The following OR56A3 variants were observed in gnomAD, a reference collection of about 807,000 sequenced individuals.
OR56A3 encodes olfactory receptor family 56 subfamily A member 3.
In OR56A3, 23 loss-of-function variants were observed where a neutral mutation model predicts 17.5. The observed-to-expected ratio is 1.32, with a 90% CI of 0.95 to 1.87. The LOEUF is 1.87. OR56A3 is among the 40% of genes most tolerant of loss of function. OR56A3 has a pLI of 0.00. For synonymous variants in OR56A3, 175 were observed against 150.6 expected (o/e 1.16, Z -1.19); for missense variants, 366 against 380.1 (o/e 0.96, Z 0.31).
chr11:5,962,648 C>T, the OR56A3 span, among the ~76,000 whole-genome samples: 3 of 151,714 alleles, frequency 2.0e-5, no homozygotes, highest in East Asian at 1.9e-4. Flanking sequence ...ACACCATTCT[C>T]CTGCCTCAGC....
chr11:6,014,465 C>T, the OR56A3 span, among the ~76,000 whole-genome samples: 1 of 152,154 alleles, frequency 6.6e-6, no homozygotes, highest in African/African-American at 2.4e-5. Context: ...ATGCTCCTTC[C>T]ATGTAAGATA....
At chr11:5,980,576 G>A in the OR56A3 span, among the ~76,000 whole-genome samples, 1 of 152,086 alleles carries the variant, frequency 6.6e-6, no homozygotes, top group Non-Finnish European at 1.5e-5. Flanking sequence ...GAATGTCATT[G>A]TATGTGAGAC....
chr11:5,967,643 G>T, the OR56A3 span: 1 of 1,613,960 alleles, frequency 6.2e-7, no homozygotes, highest in Non-Finnish European at 8.5e-7. Context: ...GGGGAATAAG[G>T]TGGTGCAGGA....
the OR56A3 span, chr11:5,967,873 T>G: frequency 1.3e-6 from 2 of 1,576,172 alleles, no homozygotes; most frequent in East Asian, 2.3e-5. Flanking sequence ...CCCAGCAGGG[T>G]CCAACCTATA....
At chr11:5,958,603 A>C in the OR56A3 span, among the ~76,000 whole-genome samples, 6 of 152,178 alleles carry the variant, frequency 3.9e-5, no homozygotes, top group Non-Finnish European at 7.4e-5. Flanking sequence ...CAAATGCATT[A>C]CTTCAAATAG....
chr11:6,002,719 G>A, the OR56A3 span: 1 of 1,614,244 alleles, frequency 6.2e-7, no homozygotes, highest in African/African-American at 1.3e-5. Flanking sequence ...ATCGACCTGA[G>A]GTCAAACCAG....
the OR56A3 span, among the ~76,000 whole-genome samples, chr11:6,012,019 C>G: frequency 6.6e-6 from 1 of 152,226 alleles, no homozygotes; most frequent in African/African-American, 2.4e-5. Context: ...AGCCCCGGCT[C>G]AGGGAGCTCC....
chr11:5,961,594 A>G, the OR56A3 span, among the ~76,000 whole-genome samples: 1 of 152,130 alleles, frequency 6.6e-6, no homozygotes, highest in Non-Finnish European at 1.5e-5. Context: ...TCAACTACCC[A>G]GGGACACAAA....
At chr11:5,960,231 TCTCCCC>T in the OR56A3 span, among the ~76,000 whole-genome samples, 1 of 151,854 alleles carries the variant, frequency 6.6e-6, no homozygotes, top group Admixed American at 6.6e-5. Flanking sequence ...ATTGCATCCC[TCTCCCC>T]CTCCCCCTCC....
At chr11:5,960,521 G>A in the OR56A3 span, among the ~76,000 whole-genome samples, 721 of 152,322 alleles carry the variant, frequency 4.7e-3, 5 homozygotes, top group African/African-American at 0.016. Flanking sequence ...TCGGCCTCCC[G>A]AGGTGCCGGG....
the OR56A3 span, among the ~76,000 whole-genome samples, chr11:5,997,681 T>TTA: frequency 1.9e-4 from 29 of 152,326 alleles, no homozygotes; most frequent in African/African-American, 6.7e-4. Context: ...CTTATATACT[T>TTA]GAAAAACAAA....
chr11:5,947,346 T>C lies in OR56A3; in HGVS notation c.-1T>C. On this transcript the variant is annotated 5_prime_UTR_variant, in exon 3 of 3. Coordinates refer to ENST00000641160, the MANE Select transcript of OR56A3 (RefSeq NM_001003443.3). ...GAAAGCAGTAAAATATATGGGAAAA[T>C]ATGACAACACACCGAAATGACACCC... is the stretch of plus-strand genomic sequence containing the variant. 6.3e-7 allele frequency: 1 copy of C among 1,584,302 alleles called. No individual in the cohort carries two copies.
At chr11:5,964,882 C>G in the OR56A3 span, among the ~76,000 whole-genome samples, 1 of 150,342 alleles carries the variant, frequency 6.7e-6, no homozygotes, top group African/African-American at 2.4e-5. Context: ...TCTCTTTGCA[C>G]TGTTCCCTGA....
At chr11:5,981,732 C>A in the OR56A3 span, among the ~76,000 whole-genome samples, 1 of 152,268 alleles carries the variant, frequency 6.6e-6, no homozygotes, top group South Asian at 2.1e-4. Context: ...TAAGAAGATA[C>A]CCTGTCTTTT....
the OR56A3 span, among the ~76,000 whole-genome samples, chr11:6,012,679 G>A: frequency 1.3e-5 from 2 of 152,160 alleles, no homozygotes; most frequent in African/African-American, 2.4e-5. Flanking sequence ...GCAGCCGGGG[G>A]CAAGCCCAGA....
chr11:5,995,078 GC>G, the OR56A3 span: 1 of 607,910 alleles, frequency 1.6e-6, no homozygotes. Flanking sequence ...CTGCTGACTG[GC>G]CGGGTGCCAT....
chr11:6,014,795 G>A, the OR56A3 span, among the ~76,000 whole-genome samples: 1 of 151,922 alleles, frequency 6.6e-6, no homozygotes, highest in Non-Finnish European at 1.5e-5. Flanking sequence ...GGTCTCAGAT[G>A]GAAAAGAGGA....
chr11:6,003,712 C>A, the OR56A3 span, among the ~76,000 whole-genome samples: 1 of 152,028 alleles, frequency 6.6e-6, no homozygotes, highest in Non-Finnish European at 1.5e-5. Context: ...ATTTTTTTTC[C>A]TTGTCAGTGT....
chr11:6,009,336 C>G, the OR56A3 span, among the ~76,000 whole-genome samples: 15 of 152,260 alleles, frequency 9.9e-5, no homozygotes, highest in African/African-American at 3.4e-4. Flanking sequence ...TTCTCTCTCT[C>G]AGTTTTTAAC....
Sources: allele counts gnomAD v4.1 joint callset (sites outside exome capture counted in the v4.1 genomes callset), GRCh38; gene constraint gnomAD v4.1.1; transcripts MANE v1.5; gene names NCBI Gene and HGNC (gene_info 2026-07-23, HGNC 2026-07-21).